Variants in SLC44A5 observed in about 807,000 individuals in gnomAD.
SLC44A5 encodes choline transporter-like protein 5.
SLC44A5 carries 57 observed loss-of-function variants against 101.8 expected under a neutral mutation model. The observed-to-expected ratio is 0.56, with a 90% CI of 0.45 to 0.70. The LOEUF (loss-of-function observed/expected upper bound fraction) is 0.70, where lower values mean the gene tolerates loss of function less well. Ranked by LOEUF, SLC44A5 falls within the 30% of genes least tolerant of loss-of-function variation. SLC44A5 has a pLI of 0.00. For synonymous variants in SLC44A5, 281 were observed against 290.9 expected (o/e 0.97, Z 0.35); for missense variants, 737 against 853.1 (o/e 0.86, Z 1.70).
chr1:75,541,223 T>C (rs184575705), intron 2 of SLC44A5, among the ~76,000 whole-genome samples: 1 of 152,218 alleles, frequency 6.6e-6, no homozygotes. Context: ...AGTCCAGGTA[T>C]AGAAAGGAAG....
intron 1 of SLC44A5, among the ~76,000 whole-genome samples, chr1:75,555,359 T>C (rs1367588478): frequency 1.3e-5 from 2 of 152,142 alleles, no homozygotes; most frequent in Admixed American, 1.3e-4. Flanking sequence ...TTGGTGGCTC[T>C]ACAAATGTAT....
intron 2 of SLC44A5, among the ~76,000 whole-genome samples, chr1:75,517,431 C>CA (rs930917239): frequency 4.0e-5 from 6 of 148,468 alleles, no homozygotes; most frequent in South Asian, 2.1e-4. Flanking sequence ...AAGTCAGTGA[C>CA]AAAAAAAAAC....
intron 2 of SLC44A5, among the ~76,000 whole-genome samples, chr1:75,427,588 A>G (rs1664384576): frequency 6.6e-6 from 1 of 152,220 alleles, no homozygotes; most frequent in African/African-American, 2.4e-5. Flanking sequence ...TATGACTGAT[A>G]CAGATATAAC....
At chr1:75,351,029 C>T (rs1028026267) in intron 3 of SLC44A5, among the ~76,000 whole-genome samples, 30 of 150,626 alleles carry the variant, frequency 2.0e-4, no homozygotes, top group African/African-American at 3.2e-4. Context: ...AAATATATTA[C>T]TATTAGGTTG....
intron 3 of SLC44A5, among the ~76,000 whole-genome samples, chr1:75,390,273 A>C (rs370263998): frequency 1.2e-4 from 19 of 152,090 alleles, no homozygotes; most frequent in African/African-American, 4.6e-4. Context: ...ATTCCAAAAA[A>C]TCAAGGAGAG....
the SLC44A5 span, among the ~76,000 whole-genome samples, chr1:75,664,425 C>T: frequency 1.3e-5 from 2 of 152,076 alleles, no homozygotes; most frequent in African/African-American, 2.4e-5. Context: ...AAAGACTAAA[C>T]CAAAAGGCTC....
chr1:75,339,881 C>A (rs566446288), intron 3 of SLC44A5, among the ~76,000 whole-genome samples: 1 of 152,228 alleles, frequency 6.6e-6, no homozygotes, highest in African/African-American at 2.4e-5. Context: ...TGTATCCTCC[C>A]ACCATACTGA....
At chr1:75,655,907 G>A in the SLC44A5 span, among the ~76,000 whole-genome samples, 1 of 152,126 alleles carries the variant, frequency 6.6e-6, no homozygotes, top group Non-Finnish European at 1.5e-5. Context: ...GTATAAGAAG[G>A]TCAAAGAATA....
chr1:75,307,420 A>G (rs1050052611), intron 4 of SLC44A5, among the ~76,000 whole-genome samples: 78 of 152,316 alleles, frequency 5.1e-4, no homozygotes, highest in African/African-American at 1.9e-3. Flanking sequence ...CACTTCCCAC[A>G]GGCTTTATTA....
At chr1:75,468,198 G>A (rs1666924326) in intron 2 of SLC44A5, among the ~76,000 whole-genome samples, 1 of 152,110 alleles carries the variant, frequency 6.6e-6, no homozygotes, top group African/African-American at 2.4e-5. Context: ...GGAGAAAAGG[G>A]AACTTTCATA....
chr1:75,468,548 T>C (rs1487673801), intron 2 of SLC44A5, among the ~76,000 whole-genome samples: 1 of 152,192 alleles, frequency 6.6e-6, no homozygotes, highest in Non-Finnish European at 1.5e-5. Context: ...GTCATTATGC[T>C]AAGTGAAATA....
chr1:75,688,451 A>C, the SLC44A5 span, among the ~76,000 whole-genome samples: 1 of 152,124 alleles, frequency 6.6e-6, no homozygotes. Context: ...TGCCAAATCC[A>C]GGCCTATGGT....
At chr1:75,311,718 TAATA>T (rs1224509939) in intron 4 of SLC44A5, 2 of 178,450 alleles carry the variant, frequency 1.1e-5, no homozygotes, top group Non-Finnish European at 2.2e-5. Context: ...GGGGAACAGA[TAATA>T]AATAAGTAAC....
At chr1:75,334,031 A>C (rs946520398) in intron 4 of SLC44A5, among the ~76,000 whole-genome samples, 39 of 151,786 alleles carry the variant, frequency 2.6e-4, no homozygotes, top group African/African-American at 9.4e-4. Flanking sequence ...TTGTCATCCA[A>C]CTCTTACCTG....
At chr1:75,244,679 A>G (rs1449510165) in intron 7 of SLC44A5, among the ~76,000 whole-genome samples, 1 of 152,104 alleles carries the variant, frequency 6.6e-6, no homozygotes, top group African/African-American at 2.4e-5. Flanking sequence ...GGGGCCTATC[A>G]GTGCCAAGCC....
At chr1:75,561,656 A>G (rs1485585231) in intron 1 of SLC44A5, among the ~76,000 whole-genome samples, 1 of 152,202 alleles carries the variant, frequency 6.6e-6, no homozygotes, top group Admixed American at 6.5e-5. Context: ...TTACATTTTA[A>G]CTATTTTATC....
intron 23 of SLC44A5, chr1:75,206,062 G>A (rs926112774): frequency 6.6e-6 from 1 of 152,316 alleles, no homozygotes; most frequent in Admixed American, 6.5e-5. Flanking sequence ...ATCTATGTTT[G>A]TTATGGACAT....
intron 3 of SLC44A5, among the ~76,000 whole-genome samples, chr1:75,371,156 T>G (rs1270777050): frequency 6.6e-6 from 1 of 152,178 alleles, no homozygotes; most frequent in Non-Finnish European, 1.5e-5. Context: ...AGCAAGGATG[T>G]GTCAATGGGA....
At chr1:75,229,112 C>T (rs1380220727) in intron 12 of SLC44A5, among the ~76,000 whole-genome samples, 2 of 151,866 alleles carry the variant, frequency 1.3e-5, no homozygotes, top group African/African-American at 4.8e-5. Context: ...TAGCTGCATT[C>T]AATCCATCAG....
Sources: gnomAD v4.1 joint callset for allele counts (sites outside exome capture counted in the v4.1 genomes callset) on GRCh38, gnomAD v4.1.1 for gene constraint, MANE v1.5 for transcripts, NCBI Gene and HGNC (gene_info 2026-07-23, HGNC 2026-07-21) for gene names.